AHRR: variants seen among roughly 807,000 people sequenced by gnomAD.
AHRR encodes aryl hydrocarbon receptor repressor, also known as ahR repressor.
AHRR carries 28 observed loss-of-function variants against 44.0 expected under a neutral mutation model. The observed-to-expected ratio is 0.64, with a 90% CI of 0.47 to 0.87. The LOEUF is 0.87. Ranked by LOEUF, AHRR falls within the 40% of genes least tolerant of loss-of-function variation. The pLI, the probability that AHRR is intolerant of heterozygous loss-of-function variation, is 0.00. For missense variants in AHRR, 990 were observed against 953.9 expected, an observed-to-expected ratio of 1.04 and a Z score of -0.50; for synonymous variants, 434 against 407.0, an observed-to-expected ratio of 1.07 and a Z score of -0.80.
chr5:404,524 C>A lies in AHRR; in HGVS notation c.352-8820C>A. ...AGACTTTACGGTTTGTAGTGATAACCTCTTCAGAAAAAGAGCAGGCGTCCT... is the reference window on the plus strand; with the variant it reads ...AGACTTTACGGTTTGTAGTGATAACATCTTCAGAAAAAGAGCAGGCGTCCT... On this transcript the variant is annotated intron_variant, in intron 4 of 10. Coordinates refer to ENST00000684583, the MANE Select transcript of AHRR (RefSeq NM_001377236.1). This position sits in a 1 kb window ranked among gnomAD's most constrained non-coding sequence, Gnocchi z 4.1. 1 of 358,952 alleles carries A rather than the reference C, an allele frequency of 2.8e-6. No homozygotes were observed. Among genetic ancestry groups the A allele is most frequent in the South Asian group, 2.6e-5 (1 of 38,082 alleles). 22.2% of individuals were successfully genotyped at this position (358,952 alleles called of 1,614,324 possible). A position where few individuals can be genotyped will look rare whatever the true frequency, so the allele number is the denominator to read the frequency against.
intron 5 of AHRR, 29 bp from the exon 6 acceptor site, chr5:422,700 G>T (rs756370725): frequency 6.2e-7 from 1 of 1,614,056 alleles, no homozygotes; most frequent in South Asian, 1.1e-5. Context: ...TTGGGGTAAG[G>T]CTGAAATAAT....
intron 3 of AHRR, among the ~76,000 whole-genome samples, chr5:354,899 G>A (rs1469689125): frequency 1.3e-5 from 2 of 152,170 alleles, no homozygotes; most frequent in African/African-American, 4.8e-5. Context: ...CATGGGCTGC[G>A]GGAAGGAAAG....
chr5:353,934 C>A (rs1430280458), intron 3 of AHRR, 23 bp downstream of exon 3: 1 of 1,600,396 alleles, frequency 6.2e-7, no homozygotes, highest in African/African-American at 1.3e-5. Context: ...CCTGCTCCCA[C>A]CTGTTCACTT....
intron 3 of AHRR, 53 bp from the exon 4 acceptor site, chr5:376,557 A>AACGCGGGGAAACACAGCAAAGAT: frequency 7.0e-7 from 1 of 1,423,182 alleles, no homozygotes; most frequent in Non-Finnish European, 9.5e-7. Flanking sequence ...AATGAAGAAG[A>AACGCGGGGAAACACAGCAAAGAT]GTGGCCAGGC....
chr5:384,350 A>C (rs1302315756), intron 4 of AHRR, among the ~76,000 whole-genome samples: 17 of 152,206 alleles, frequency 1.1e-4, no homozygotes, highest in Admixed American at 1.1e-3. Context: ...CAAAACCTTA[A>C]GCCACATAAA....
chr5:432,345 C>T (rs899504793), intron 8 of AHRR, 118 bp from the exon 9 acceptor site: 2 of 929,434 alleles, frequency 2.2e-6, no homozygotes. Flanking sequence ...TCTGTCTTCA[C>T]TGCTCAGGTG....
At chr5:376,544 G>GTGAC (rs1733680505) in intron 3 of AHRR, 66 bp from the exon 4 acceptor site, 22 of 1,405,642 alleles carry the variant, frequency 1.6e-5, no homozygotes, top group East Asian at 7.2e-5. Context: ...CAGGAAAGAT[G>GTGAC]TGAATGAAGA....
At chr5:421,055 C>T (rs921856639) in intron 5 of AHRR, 9 of 524,554 alleles carry the variant, frequency 1.7e-5, no homozygotes, top group African/African-American at 8.2e-5. Context: ...GCCTATCCAC[C>T]GCAGCGACTA....
chr5:343,653 G>A (rs1043301514), intron 1 of AHRR: 4 of 495,118 alleles, frequency 8.1e-6, no homozygotes, highest in Non-Finnish European at 1.4e-5. Flanking sequence ...GGGAGGCCGG[G>A]ACCCGCCTGA....
At chr5:372,257 G>C (rs1298611377) in intron 3 of AHRR, among the ~76,000 whole-genome samples, 1 of 152,130 alleles carries the variant, frequency 6.6e-6, no homozygotes, top group Admixed American at 6.5e-5. Flanking sequence ...TGACTGCACA[G>C]AGGGGACTGT....
intron 5 of AHRR, chr5:421,482 G>A (rs1323612345): frequency 2.0e-6 from 1 of 490,046 alleles, no homozygotes. Context: ...GGTCCCGCGG[G>A]GTGTTTTCTT....
intron 8 of AHRR, among the ~76,000 whole-genome samples, chr5:429,495 C>G (rs1024055177): frequency 1.3e-5 from 2 of 152,240 alleles, no homozygotes; most frequent in Admixed American, 1.3e-4. Flanking sequence ...TGCCCCTGCC[C>G]CCTGGCCCTC....
In AHRR at chr5:434,045, G is replaced by C; in HGVS notation, c.1305G>C (p.Leu435=). Residue 435 remains leucine (L), a synonymous_variant, in exon 11 of 11, where the codon CTG becomes CTC. Transcript: ENST00000684583. The stretch of plus-strand genomic sequence containing the variant: ...GCCCCATGCCCCGCGGCTCCTGCCT[G>C]CCCTGCCCGTGTGTCCAGGGCACTT... The part of the protein sequence containing the change: ...SLRPMPRGSC[L]PCPCVQGTFR... 2.5e-6 allele frequency: 4 copies of C among 1,611,388 alleles called. No homozygotes were observed. The highest frequency in any genetic ancestry group is 3.4e-6 in the Non-Finnish European group (4 of 1,179,332).
At chr5:433,504 C>G (rs924109517) in intron 10 of AHRR, among the ~76,000 whole-genome samples, 6 of 152,222 alleles carry the variant, frequency 3.9e-5, no homozygotes, top group African/African-American at 1.4e-4. Flanking sequence ...TTTGCAGTTC[C>G]CTGGGACCAT....
chr5:371,970 C>A (rs572663038), intron 3 of AHRR, among the ~76,000 whole-genome samples: 11 of 152,340 alleles, frequency 7.2e-5, no homozygotes, highest in African/African-American at 2.6e-4. Context: ...GCTGCTTGCA[C>A]CACTCAGGCC....
At chr5:379,600 A>G (rs773687407) in intron 4 of AHRR, among the ~76,000 whole-genome samples, 5 of 152,198 alleles carry the variant, frequency 3.3e-5, no homozygotes, top group Admixed American at 6.5e-5. Context: ...AATGCTGCAT[A>G]TCTTTTCATG....
chr5:323,114 GGCTGAGCCCCTGGCT>G (rs1330369795), intron 1 of AHRR, among the ~76,000 whole-genome samples: 1 of 152,172 alleles, frequency 6.6e-6, no homozygotes, highest in Non-Finnish European at 1.5e-5. Flanking sequence ...CGTGGTCCCC[GGCTGAGCCCCTGGCT>G]GCAGTGGGTA....
At chr5:374,259 C>T (rs1341711754) in intron 3 of AHRR, among the ~76,000 whole-genome samples, 1 of 152,188 alleles carries the variant, frequency 6.6e-6, no homozygotes, top group Non-Finnish European at 1.5e-5. Context: ...TGGGGCCGCT[C>T]CTGCCCGGGT....
At chr5:412,668 C>T (rs2434689) in intron 4 of AHRR, among the ~76,000 whole-genome samples, 120,723 of 150,878 alleles carry the variant, frequency 0.8, 48,579 homozygotes, top group Non-Finnish European at 0.83. Context: ...ATTCTTTCAG[C>T]AGATACAGAA....
Sources: gnomAD v4.1 joint callset for allele counts (sites outside exome capture counted in the v4.1 genomes callset) on GRCh38, gnomAD v4.1.1 for gene constraint, Gnocchi (gnomAD v3.1) non-coding constraint, MANE v1.5 for transcripts, NCBI Gene and HGNC (gene_info 2026-07-23, HGNC 2026-07-21) for gene names.